The following PRMT8 variants were observed in gnomAD, a reference collection of about 807,000 sequenced individuals.
The protein encoded by PRMT8 is protein arginine methyltransferase 8, also known as protein arginine N-methyltransferase 8.
Under a neutral mutation model 47.1 loss-of-function variants are expected in PRMT8, and 7 were observed. The ratio of observed to expected loss-of-function variants is 0.15; its 90% CI spans 0.08 to 0.28. The LOEUF (loss-of-function observed/expected upper bound fraction) is 0.28, where lower values mean the gene tolerates loss of function less well. PRMT8 is among the 10% of genes least tolerant of loss of function. The pLI is 1.00. For missense variants in PRMT8, 237 were observed against 505.4 expected (o/e 0.47, Z 5.09); for synonymous variants, 188 against 186.5 (o/e 1.01, Z -0.07).
chr12:3,586,772 T>C (rs1045963892), intron 8 of PRMT8, among the ~76,000 whole-genome samples: 3 of 152,204 alleles, frequency 2.0e-5, no homozygotes, highest in Non-Finnish European at 4.4e-5. Flanking sequence ...ATTTGACCAA[T>C]GTTGACTTTC....
chr12:3,466,253 C>T (rs928255636), intron 1 of PRMT8, among the ~76,000 whole-genome samples: 1 of 152,172 alleles, frequency 6.6e-6, no homozygotes, highest in Non-Finnish European at 1.5e-5. Flanking sequence ...GTGCTGACAT[C>T]CTGTGGGCTC....
chr12:3,449,038 G>A (rs1472379806), intron 1 of PRMT8, among the ~76,000 whole-genome samples: 1 of 152,132 alleles, frequency 6.6e-6, no homozygotes, highest in Non-Finnish European at 1.5e-5. Flanking sequence ...GCTTCCAGCT[G>A]CATCCATGTC....
intron 6 of PRMT8, among the ~76,000 whole-genome samples, chr12:3,571,912 A>C (rs760762095): frequency 6.6e-6 from 1 of 152,228 alleles, no homozygotes; most frequent in Non-Finnish European, 1.5e-5. Context: ...ATTGTAAGCA[A>C]TTTTCTATTG....
chr12:3,427,108 G>GT (rs796897970), intron 1 of PRMT8, among the ~76,000 whole-genome samples: 14 of 152,136 alleles, frequency 9.2e-5, no homozygotes, highest in Admixed American at 2.6e-4. Flanking sequence ...ATTTTTATTA[G>GT]TTTTTTAGAC....
intron 1 of PRMT8, among the ~76,000 whole-genome samples, chr12:3,390,336 G>C (rs921046851): frequency 6.6e-6 from 1 of 152,228 alleles, no homozygotes; most frequent in Non-Finnish European, 1.5e-5. Flanking sequence ...GCTGTTTTCT[G>C]TTCCTCCTGC....
chr12:3,444,581 G>A (rs1864837579), intron 1 of PRMT8, among the ~76,000 whole-genome samples: 1 of 152,228 alleles, frequency 6.6e-6, no homozygotes, highest in Non-Finnish European at 1.5e-5. Context: ...TTGGTTAGAG[G>A]GGAAATTTAG....
chr12:3,567,698 C>T (rs780398557), intron 4 of PRMT8, among the ~76,000 whole-genome samples: 8 of 152,216 alleles, frequency 5.3e-5, no homozygotes, highest in Non-Finnish European at 7.3e-5. Context: ...AGTTGAAAAT[C>T]CAAGCATAAT....
chr12:3,407,429 C>G (rs1158432277), intron 1 of PRMT8, among the ~76,000 whole-genome samples: 2 of 152,024 alleles, frequency 1.3e-5, no homozygotes, highest in Admixed American at 6.5e-5. Flanking sequence ...ATATCTCATC[C>G]CATTCTATCC....
intron 8 of PRMT8, among the ~76,000 whole-genome samples, chr12:3,589,741 T>C (rs1427185222): frequency 6.6e-6 from 1 of 152,182 alleles, no homozygotes; most frequent in Non-Finnish European, 1.5e-5. Context: ...AAAATAATCA[T>C]CTTCCTCCAA....
At chr12:3,449,149 T>G (rs1317030266) in intron 1 of PRMT8, among the ~76,000 whole-genome samples, 1 of 152,224 alleles carries the variant, frequency 6.6e-6, no homozygotes, top group Non-Finnish European at 1.5e-5. Context: ...AGTGGGCATT[T>G]GTGTTGATTC....
At chr12:3,443,689 A>G (rs574724831) in intron 1 of PRMT8, among the ~76,000 whole-genome samples, 5 of 152,288 alleles carry the variant, frequency 3.3e-5, no homozygotes, top group African/African-American at 1.2e-4. Context: ...CGATCACATC[A>G]TCCTCCTGGT....
chr12:3,531,527 C>A (rs1017378455), intron 1 of PRMT8, among the ~76,000 whole-genome samples: 7 of 152,196 alleles, frequency 4.6e-5, no homozygotes, highest in African/African-American at 1.4e-4. Context: ...AATAGATTCC[C>A]TCTCAGCACT....
chr12:3,449,256 A>G (rs1864892817), intron 1 of PRMT8, among the ~76,000 whole-genome samples: 1 of 152,208 alleles, frequency 6.6e-6, no homozygotes, highest in African/African-American at 2.4e-5. Context: ...TATACCCAGT[A>G]ATGGGATTGC....
rs949137499 is a variant in PRMT8 at position 3,557,730 on chromosome 12, G to C, written c.481+4016G>C. ...ACAGGTGTGGAAACTGAGGCTAGGA[G>C]AGGTGGGTGACTGAGCCCTTTGCTA... On this transcript the variant is annotated intron_variant, in intron 4 of 9. Transcript: ENST00000382622. This position sits in a 1 kb window ranked among gnomAD's most constrained non-coding sequence, Gnocchi z 4.7. Among the ~76,000 whole-genome samples the C allele has an allele frequency of 2.6e-5, 4 of 152,186 alleles. No individual in the cohort carries two copies. Among genetic ancestry groups the C allele is most frequent in the African/African-American group, 9.6e-5 (4 of 41,452 alleles).
intron 8 of PRMT8, among the ~76,000 whole-genome samples, chr12:3,591,407 C>CTTTT (rs34619063): frequency 2.9e-4 from 33 of 115,722 alleles, no homozygotes; most frequent in South Asian, 6.0e-4. Context: ...AGGGAAAGCT[C>CTTTT]TTTTTTTTTT....
intron 1 of PRMT8, among the ~76,000 whole-genome samples, chr12:3,494,235 C>T (rs1865470142): frequency 6.6e-6 from 1 of 152,132 alleles, no homozygotes; most frequent in Non-Finnish European, 1.5e-5. Flanking sequence ...TGAGGACCAC[C>T]TGGTCCCTCC....
chr12:3,450,842 G>A (rs184368714), intron 1 of PRMT8, among the ~76,000 whole-genome samples: 18 of 152,170 alleles, frequency 1.2e-4, no homozygotes, highest in Admixed American at 1.0e-3. Flanking sequence ...AGTGAAATTG[G>A]CTTTCTTTTG....
intron 1 of PRMT8, among the ~76,000 whole-genome samples, chr12:3,475,725 C>G (rs1448905318): frequency 2.7e-5 from 4 of 150,636 alleles, no homozygotes; most frequent in Admixed American, 2.0e-4. Context: ...AGCAGGGCCT[C>G]CCTTCCAGTA....
At chr12:3,454,738 C>T (rs1298764465) in intron 1 of PRMT8, among the ~76,000 whole-genome samples, 2 of 152,158 alleles carry the variant, frequency 1.3e-5, no homozygotes, top group African/African-American at 2.4e-5. Context: ...CACCGCGGGT[C>T]GGCCTGCGCT....
Sources: allele counts gnomAD v4.1 joint callset (sites outside exome capture counted in the v4.1 genomes callset), GRCh38; gene constraint gnomAD v4.1.1; non-coding constraint Gnocchi (gnomAD v3.1); transcripts MANE v1.5; gene names NCBI Gene and HGNC (gene_info 2026-07-23, HGNC 2026-07-21).